DNAH5: variants seen among roughly 807,000 people sequenced by gnomAD.
DNAH5 encodes axonemal beta dynein heavy chain 5.
In DNAH5, 372 loss-of-function variants were observed where a neutral mutation model predicts 518.2. The observed-to-expected ratio is 0.72, with a 90% CI of 0.66 to 0.78. The LOEUF (loss-of-function observed/expected upper bound fraction) is 0.78. DNAH5 is among the 30% of genes least tolerant of loss of function. DNAH5 has a pLI of 0.00. For missense variants in DNAH5, 5,523 were observed against 5,687.0 expected (o/e 0.97, Z 0.93); for synonymous variants, 2,039 against 2,025.9 (o/e 1.01, Z -0.17).
intron 35 of DNAH5, among the ~76,000 whole-genome samples, chr5:13,835,079 G>A (rs1318817311): frequency 6.6e-6 from 1 of 152,086 alleles, no homozygotes; most frequent in Non-Finnish European, 1.5e-5. Context: ...GAGGTCAAGA[G>A]TTCAAGAACA....
In DNAH5 at chr5:13,886,122, C is replaced by T; in HGVS notation, c.2585G>A (p.Cys862Tyr). ...ATGTAGTATTTGTGCACCATTTACA[C>T]AAAGATCCTAACCAAAAAAAAAAAA... Reference protein sequence around the residue: ...EEFLQMTKDLCVNGAQILHFK... With the variant: ...EEFLQMTKDLYVNGAQILHFK... Residue 862 changes from cysteine to tyrosine, a missense_variant, in exon 18 of 79, where the codon TGT becomes TAT. By Grantham distance (194) the Cys-to-Tyr change is radical. Coordinates refer to ENST00000265104, the MANE Select transcript of DNAH5 (RefSeq NM_001369.3). 3.0e-6 allele frequency: 3 copies of T among 1,008,248 alleles called. No homozygotes were observed. The highest frequency in any genetic ancestry group is 4.1e-6 in the Non-Finnish European group (3 of 729,462). The allele number at this position is 1,008,248 out of a possible 1,614,324, so 62.5% of individuals were successfully genotyped here. A position where few individuals can be genotyped will look rare whatever the true frequency, so the allele number is the denominator to read the frequency against.
At chr5:13,905,535 G>T (rs1347599572) in intron 12 of DNAH5, among the ~76,000 whole-genome samples, 1 of 151,974 alleles carries the variant, frequency 6.6e-6, no homozygotes, top group African/African-American at 2.4e-5. Context: ...AACACAAAAA[G>T]AACTCAGACA....
At chr5:13,908,041 G>C (rs1229826254) in intron 12 of DNAH5, among the ~76,000 whole-genome samples, 1 of 152,198 alleles carries the variant, frequency 6.6e-6, no homozygotes, top group Non-Finnish European at 1.5e-5. Context: ...GATACGACCT[G>C]TGGAGGAGAT....
intron 1 of DNAH5, among the ~76,000 whole-genome samples, chr5:13,959,956 T>C (rs945728923): frequency 6.6e-5 from 10 of 151,672 alleles, no homozygotes; most frequent in African/African-American, 2.4e-4. Flanking sequence ...CAACAAGAGC[T>C]AAACTCCATC....
chr5:13,754,612 C>T (rs974941274), intron 61 of DNAH5, among the ~76,000 whole-genome samples: 1 of 152,088 alleles, frequency 6.6e-6, no homozygotes, highest in African/African-American at 2.4e-5. Context: ...GACCTTAGCT[C>T]ACTGCAACCT....
chr5:13,713,704 G>T (rs545152281), intron 75 of DNAH5, among the ~76,000 whole-genome samples: 8 of 144,772 alleles, frequency 5.5e-5, no homozygotes, highest in African/African-American at 2.0e-4. Context: ...AGTGTGAGGG[G>T]GGCGAGGAAT....
intron 30 of DNAH5, among the ~76,000 whole-genome samples, chr5:13,855,180 A>C (rs114415499): frequency 0.014 from 2,119 of 150,894 alleles, 89 homozygotes; most frequent in African/African-American, 0.048. Context: ...ACCACTCCAC[A>C]TAGATTTTCA....
chr5:13,925,511 TG>T (rs1777775791), intron 3 of DNAH5, among the ~76,000 whole-genome samples: 1 of 152,168 alleles, frequency 6.6e-6, no homozygotes, highest in Non-Finnish European at 1.5e-5. Flanking sequence ...TCCACGTGGC[TG>T]GGGAAGCCTC....
At chr5:13,876,636 T>G (rs371481260) in intron 22 of DNAH5, 48 bp downstream of exon 22, 10 of 1,604,016 alleles carry the variant, frequency 6.2e-6, no homozygotes, top group Non-Finnish European at 8.5e-6. Flanking sequence ...TTCACACAAG[T>G]GCATGTTGCA....
intron 1 of DNAH5, among the ~76,000 whole-genome samples, chr5:13,933,789 C>CA (rs533169329): frequency 0.14 from 11,216 of 82,144 alleles, 1,214 homozygotes; most frequent in African/African-American, 0.21. Flanking sequence ...GACTCCACCT[C>CA]AAAAAAAAAA....
chr5:13,776,813 T>G, intron 54 of DNAH5, 107 bp from the exon 55 acceptor site: 3 of 1,251,348 alleles, frequency 2.4e-6, no homozygotes, highest in Non-Finnish European at 3.4e-6. Flanking sequence ...GTTCTTGAAC[T>G]CACCTACAGA....
At chr5:14,008,291 T>TG (rs1554011951) in intron 1 of DNAH5, among the ~76,000 whole-genome samples, 7 of 146,184 alleles carry the variant, frequency 4.8e-5, no homozygotes, top group African/African-American at 7.5e-5. Context: ...GAGGAAGAAA[T>TG]GAGGGAGAGA....
chr5:13,976,331 G>A (rs1052035054), intron 1 of DNAH5, among the ~76,000 whole-genome samples: 9 of 152,140 alleles, frequency 5.9e-5, no homozygotes, highest in South Asian at 2.1e-4. Flanking sequence ...TAAACAATCC[G>A]TAAGTTTTAA....
intron 68 of DNAH5, among the ~76,000 whole-genome samples, chr5:13,734,049 G>A (rs957649912): frequency 2.0e-5 from 3 of 152,068 alleles, no homozygotes; most frequent in African/African-American, 7.2e-5. Flanking sequence ...AATTCTGACG[G>A]TCCTGGGAGG....
intron 62 of DNAH5, 38 bp from the exon 63 acceptor site, chr5:13,753,587 T>A (rs749060911): frequency 1.3e-6 from 2 of 1,534,416 alleles, no homozygotes; most frequent in East Asian, 4.5e-5. Flanking sequence ...ATACTTTACG[T>A]TCATCCGTGT....
chr5:13,970,752 G>A (rs954808137), intron 1 of DNAH5, among the ~76,000 whole-genome samples: 11 of 152,190 alleles, frequency 7.2e-5, no homozygotes, highest in Middle Eastern at 6.8e-3. Context: ...ATAACCTGAC[G>A]ACTATGTGCC....
Position 13,841,694 on chromosome 5 carries a change from GAGC to G in DNAH5, c.5479_5481del (p.Ala1827del). On this transcript the variant is annotated inframe_deletion, in exon 33 of 79. Transcript: ENST00000265104. ...CTTTCAAATTTCAATACACTGACCT[GAGC>G]AGGGAAGGATGAAAGAAATTCAGTT... 1 of 1,608,702 alleles carries G rather than the reference GAGC, an allele frequency of 6.2e-7. No individual in the cohort carries two copies. The highest frequency in any genetic ancestry group is 8.5e-7 in the Non-Finnish European group (1 of 1,175,152).
rs1448359286 is a variant in DNAH5 at position 13,735,045 on chromosome 5, T to C, written c.11761+86A>G. The C allele has an allele frequency of 1.5e-5, 19 of 1,303,410 alleles. No homozygotes were observed. In the East Asian group the frequency reaches 3.7e-4, roughly 25 times the overall value. 80.7% of individuals were successfully genotyped at this position (1,303,410 alleles called of 1,614,324 possible). The stretch of plus-strand genomic sequence containing the variant: ...GTCTTACATAATGCAAGGCAATTGT[T>C]ATAACCAAAAAATGTACTGCAAAGG... On this transcript the variant is annotated intron_variant, in intron 68 of 78. Coordinates refer to ENST00000265104, the MANE Select transcript of DNAH5 (RefSeq NM_001369.3).
At chr5:13,817,145 T>C (rs187795542) in intron 42 of DNAH5, among the ~76,000 whole-genome samples, 332 of 152,322 alleles carry the variant, frequency 2.2e-3, no homozygotes, top group Admixed American at 4.9e-3. Context: ...AAACAACCCA[T>C]TTTCTCTGTG....
Sources: allele counts gnomAD v4.1 joint callset (sites outside exome capture counted in the v4.1 genomes callset), GRCh38; gene constraint gnomAD v4.1.1; transcripts MANE v1.5; gene names NCBI Gene and HGNC (gene_info 2026-07-23, HGNC 2026-07-21).